The following AGBL1 variants were observed in gnomAD, a reference collection of about 807,000 sequenced individuals.
AGBL1 encodes AGBL carboxypeptidase 1.
In AGBL1, 130 loss-of-function variants were observed where a neutral mutation model predicts 118.9. The observed-to-expected ratio is 1.09, with a 90% CI of 0.95 to 1.26. The LOEUF is 1.26. Among genes scored for constraint, AGBL1 ranks in the 50% most tolerant of loss-of-function variants. AGBL1 has a pLI of 0.00. For missense variants in AGBL1, 1,584 were observed against 1,298.1 expected, an observed-to-expected ratio of 1.22 and a Z score of -3.38; for synonymous variants, 555 against 478.9, an observed-to-expected ratio of 1.16 and a Z score of -2.08.
chr15:86,522,625 A>G (rs922684728), intron 18 of AGBL1, among the ~76,000 whole-genome samples, 185 bp from the exon 19 acceptor site: 4 of 152,246 alleles, frequency 2.6e-5, no homozygotes, highest in Non-Finnish European at 5.9e-5. Flanking sequence ...GTGAATAATT[A>G]TGATACTTTG....
chr15:86,712,755 A>G (rs2086580692), intron 22 of AGBL1, among the ~76,000 whole-genome samples: 1 of 152,118 alleles, frequency 6.6e-6, no homozygotes, highest in Non-Finnish European at 1.5e-5. Context: ...CCAATTCCGG[A>G]CTCATTAAGT....
At chr15:86,515,896 T>C (rs1375597702) in intron 18 of AGBL1, among the ~76,000 whole-genome samples, 1 of 152,158 alleles carries the variant, frequency 6.6e-6, no homozygotes, top group East Asian at 1.9e-4. Flanking sequence ...CCCGAGGTGG[T>C]TGGGGCATAG....
rs563974918 is a variant in AGBL1, at chr15:86,912,101, T to A, written c.*4807T>A. Reference sequence around the variant, plus strand: ...ATCTCACTTATTTTCCTTAAATCCCTCCGTTTTCCATCTCAAAGAAGAGTT... The same window carrying A: ...ATCTCACTTATTTTCCTTAAATCCCACCGTTTTCCATCTCAAAGAAGAGTT... On this transcript the variant is annotated 3_prime_UTR_variant, in exon 23 of 23. Coordinates refer to ENST00000614907, the MANE Select transcript of AGBL1 (RefSeq NM_001386094.1). The A allele has an allele frequency of 6.2e-4, 94 of 152,276 alleles. No homozygotes were observed. Among genetic ancestry groups the A allele is most frequent in the African/African-American group, 2.2e-3 (92 of 41,548 alleles). The allele number at this position is 152,276 out of a possible 1,614,324, so 9.4% of individuals were successfully genotyped here. A position where few individuals can be genotyped will look rare whatever the true frequency, so the allele number is the denominator to read the frequency against.
intron 22 of AGBL1, among the ~76,000 whole-genome samples, chr15:86,903,052 G>C (rs1220784704): frequency 1.3e-5 from 2 of 151,994 alleles, no homozygotes; most frequent in Non-Finnish European, 2.9e-5. Flanking sequence ...TTTTGTTATA[G>C]TCCTACAGGA....
chr15:86,655,439 G>A (rs958401503), intron 21 of AGBL1, among the ~76,000 whole-genome samples: 2 of 152,136 alleles, frequency 1.3e-5, no homozygotes, highest in African/African-American at 4.8e-5. Context: ...ACACTATTGA[G>A]TATCTCCAAA....
At chr15:86,120,532 G>A (rs1487948650) in intron 1 of AGBL1, among the ~76,000 whole-genome samples, 2 of 152,208 alleles carry the variant, frequency 1.3e-5, no homozygotes, top group African/African-American at 2.4e-5. Context: ...ATGGAGAAGA[G>A]CACAAGGTGC....
chr15:86,224,439 C>T (rs1567138031), intron 5 of AGBL1, among the ~76,000 whole-genome samples: 1 of 152,116 alleles, frequency 6.6e-6, no homozygotes, highest in Non-Finnish European at 1.5e-5. Context: ...TGTGTGAATG[C>T]ATTTTCCACT....
intron 21 of AGBL1, among the ~76,000 whole-genome samples, chr15:86,654,796 A>G (rs1381764355): frequency 6.6e-6 from 1 of 152,106 alleles, no homozygotes; most frequent in Admixed American, 6.6e-5. Context: ...TCAGCCAGCC[A>G]TGGAGAAACA....
At chr15:86,132,983 A>T (rs1443530802) in intron 1 of AGBL1, among the ~76,000 whole-genome samples, 1 of 152,150 alleles carries the variant, frequency 6.6e-6, no homozygotes, top group East Asian at 1.9e-4. Flanking sequence ...TCAACATTTT[A>T]TTGAGCGTTT....
At chr15:86,281,759 T>C (rs759984189) in intron 16 of AGBL1, among the ~76,000 whole-genome samples, 1 of 152,204 alleles carries the variant, frequency 6.6e-6, no homozygotes, top group Non-Finnish European at 1.5e-5. Context: ...ATTCAGAATT[T>C]CTGCCCTGGG....
At chr15:86,818,662 G>A (rs2078898552) in intron 22 of AGBL1, among the ~76,000 whole-genome samples, 1 of 152,082 alleles carries the variant, frequency 6.6e-6, no homozygotes, top group African/African-American at 2.4e-5. Flanking sequence ...GAGAAGGTGT[G>A]AATGACCAAA....
chr15:86,342,977 T>G (rs985773739), intron 17 of AGBL1, among the ~76,000 whole-genome samples: 2 of 152,188 alleles, frequency 1.3e-5, no homozygotes, highest in Admixed American at 1.3e-4. Context: ...AAGTTAAATG[T>G]AGTTGTATTG....
chr15:86,826,137 C>T (rs181225380), intron 22 of AGBL1, among the ~76,000 whole-genome samples: 8 of 151,970 alleles, frequency 5.3e-5, no homozygotes, highest in South Asian at 4.2e-4. Context: ...TGTGTATGTA[C>T]GTATAGAAGA....
At chr15:87,029,269 G>A (rs905779873), downstream of AGBL1, among the ~76,000 whole-genome samples, 6 of 151,746 alleles carry the variant, frequency 4.0e-5, no homozygotes, top group African/African-American at 1.5e-4. Context: ...TGTAGCATCA[G>A]GGGCTCAATA....
chr15:86,703,008 G>T (rs2086386689), intron 22 of AGBL1, among the ~76,000 whole-genome samples: 1 of 152,154 alleles, frequency 6.6e-6, no homozygotes, highest in South Asian at 2.1e-4. Context: ...TATCAAAGAA[G>T]ACTGAGAATA....
At chr15:86,372,687 G>A (rs1179009012) in intron 17 of AGBL1, among the ~76,000 whole-genome samples, 1 of 152,072 alleles carries the variant, frequency 6.6e-6, no homozygotes, top group Non-Finnish European at 1.5e-5. Flanking sequence ...AATGTCACCT[G>A]GGACCAATAC....
At chr15:86,953,963 G>A (rs1189810557) in intron 23 of AGBL1, among the ~76,000 whole-genome samples, 5 of 152,078 alleles carry the variant, frequency 3.3e-5, no homozygotes, top group Admixed American at 1.3e-4. Flanking sequence ...TGGACAAGCA[G>A]CCAACAAACA....
At chr15:86,921,709 C>T (rs551677518) in intron 23 of AGBL1, among the ~76,000 whole-genome samples, 1 of 152,192 alleles carries the variant, frequency 6.6e-6, no homozygotes, top group South Asian at 2.1e-4. Context: ...GAAGGCAGCA[C>T]AGCATGCATG....
At chr15:86,146,984 C>T (rs1439111086) in intron 3 of AGBL1, among the ~76,000 whole-genome samples, 1 of 152,016 alleles carries the variant, frequency 6.6e-6, no homozygotes, top group East Asian at 1.9e-4. Context: ...TAGACATCAC[C>T]CATTGACAGG....
Sources: allele counts gnomAD v4.1 joint callset (sites outside exome capture counted in the v4.1 genomes callset), GRCh38; gene constraint gnomAD v4.1.1; transcripts MANE v1.5; gene names NCBI Gene and HGNC (gene_info 2026-07-23, HGNC 2026-07-21).